Variants in SPON1 observed in about 807,000 individuals in gnomAD.
The protein encoded by SPON1 is spondin 1.
SPON1 carries 52 observed loss-of-function variants against 111.7 expected under a neutral mutation model. The observed-to-expected ratio is 0.47, with a 90% CI of 0.37 to 0.59. The LOEUF is 0.59. Among genes scored for constraint, SPON1 ranks in the 20% least tolerant of loss-of-function variants. The pLI, the probability that SPON1 is intolerant of heterozygous loss-of-function variation, is 0.00. For synonymous variants in SPON1, 410 were observed against 395.8 expected (o/e 1.04, Z -0.43); for missense variants, 957 against 1,068.5 (o/e 0.90, Z 1.46).
intron 5 of SPON1, among the ~76,000 whole-genome samples, chr11:14,097,942 A>T (rs1554924040): frequency 6.6e-6 from 1 of 151,938 alleles, no homozygotes; most frequent in East Asian, 1.9e-4. Context: ...ATGTTAAAGG[A>T]TGTTTAAGGA....
intron 6 of SPON1, among the ~76,000 whole-genome samples, chr11:14,161,162 T>A (rs1591394601): frequency 7.8e-6 from 1 of 128,108 alleles, no homozygotes; most frequent in African/African-American, 3.1e-5. Context: ...ATATTTTATA[T>A]ATATCTATAT....
intron 3 of SPON1, among the ~76,000 whole-genome samples, chr11:14,066,133 T>TA (rs1280464189): frequency 6.6e-6 from 1 of 152,212 alleles, no homozygotes; most frequent in Non-Finnish European, 1.5e-5. Flanking sequence ...AAATGCTAAG[T>TA]AATGTGCTAA....
intron 2 of SPON1, among the ~76,000 whole-genome samples, chr11:14,012,592 T>A (rs943802074): frequency 6.6e-6 from 1 of 152,160 alleles, no homozygotes; most frequent in Non-Finnish European, 1.5e-5. Context: ...GTCCACCGAT[T>A]TGGCAAAAAC....
intron 2 of SPON1, among the ~76,000 whole-genome samples, chr11:14,038,991 A>G (rs1457416840): frequency 1.3e-5 from 2 of 152,228 alleles, no homozygotes; most frequent in Admixed American, 1.3e-4. Context: ...GTACTTTCAG[A>G]CAATCAGATG....
intron 2 of SPON1, among the ~76,000 whole-genome samples, chr11:13,998,320 T>C (rs1919308): frequency 0.046 from 7,028 of 152,244 alleles, 534 homozygotes; most frequent in African/African-American, 0.16. Context: ...TGGGGAGAGA[T>C]GTATGGGAGA....
intron 6 of SPON1, among the ~76,000 whole-genome samples, chr11:14,155,942 T>C (rs1211574090): frequency 2.3e-5 from 3 of 133,002 alleles, no homozygotes; most frequent in East Asian, 4.8e-4. Context: ...CTATTGTGAA[T>C]AGTGCCGCAA....
At chr11:14,174,792 T>C (rs542559159) in intron 6 of SPON1, among the ~76,000 whole-genome samples, 1 of 152,222 alleles carries the variant, frequency 6.6e-6, no homozygotes, top group Non-Finnish European at 1.5e-5. Flanking sequence ...AGCTTGTTTA[T>C]CCACTTTTAA....
In SPON1 at chr11:13,988,985, T is replaced by TC. The variant is rs575400889; in HGVS notation, c.345+6033dup. 4.2e-3 allele frequency among the ~76,000 whole-genome samples: 639 copies of TC among 152,336 alleles called. 6 individuals carry two copies. The highest frequency in any genetic ancestry group is 4.8e-3 in the Non-Finnish European group (329 of 68,028). ...TTGAGGATTTTCATATCGATGTTCA[T>TC]CAGAGATATTGGCCTGAAATTTTCT... On this transcript the variant is annotated intron_variant, in intron 2 of 15. Coordinates refer to ENST00000576479, the MANE Select transcript of SPON1 (RefSeq NM_006108.4).
At chr11:14,067,970 AAC>A (rs1415215989) in intron 3 of SPON1, among the ~76,000 whole-genome samples, 1 of 152,224 alleles carries the variant, frequency 6.6e-6, no homozygotes, top group Non-Finnish European at 1.5e-5. Context: ...TCTAAGTCCT[AAC>A]ACAGCTTTGT....
intron 1 of SPON1, among the ~76,000 whole-genome samples, chr11:13,969,501 A>G (rs563615884): frequency 1.7e-4 from 26 of 152,336 alleles, no homozygotes; most frequent in South Asian, 2.1e-4. Context: ...GCAAAGAATG[A>G]AAGGAATGAG....
intron 6 of SPON1, among the ~76,000 whole-genome samples, chr11:14,199,943 A>G (rs1554935440): frequency 6.6e-6 from 1 of 152,164 alleles, no homozygotes; most frequent in Non-Finnish European, 1.5e-5. Flanking sequence ...TGCCCTGTTC[A>G]TCAGCCTATT....
At chr11:14,138,652 C>T (rs1554928427) in intron 6 of SPON1, among the ~76,000 whole-genome samples, 1 of 152,118 alleles carries the variant, frequency 6.6e-6, no homozygotes, top group Non-Finnish European at 1.5e-5. Flanking sequence ...AATGGTAGAT[C>T]ACACTTGTAG....
chr11:13,995,564 GC>G (rs1848265477), intron 2 of SPON1, among the ~76,000 whole-genome samples: 2 of 152,110 alleles, frequency 1.3e-5, no homozygotes, highest in South Asian at 4.2e-4. Flanking sequence ...GGAGAAAACC[GC>G]CCCCATGATC....
intron 3 of SPON1, among the ~76,000 whole-genome samples, chr11:14,067,830 G>A (rs2133826230): frequency 6.6e-6 from 1 of 152,338 alleles, no homozygotes; most frequent in South Asian, 2.1e-4. Context: ...GGGGAAGATG[G>A]AGGGAATGGA....
At position 14,041,534 on chromosome 11, in the gene SPON1, A is replaced by C. The variant is rs781784091; in HGVS notation, c.359A>C (p.Glu120Ala). ...HAGTFQIIDE[E>A]ETQFMSNCPV... ...GGTTTTCCGTAGATCATAGACGAAG[A>C]AGAAACTCAGTTTATGAGCAATTGC... is the stretch of plus-strand genomic sequence containing the variant. Residue 120 changes from glutamate to alanine, a missense_variant, in exon 3 of 16, where the codon GAA (glutamate) becomes GCA (alanine). By Grantham distance (107) the Glu-to-Ala change is moderately radical. This residue lies in a region of SPON1 where 262 missense variants were observed against 253.9 expected (regional missense o/e 1.03). Coordinates refer to ENST00000576479, the MANE Select transcript of SPON1 (RefSeq NM_006108.4). 1.2e-6 allele frequency: 2 copies of C among 1,613,964 alleles called. No homozygotes were observed. Among genetic ancestry groups the C allele is most frequent in the Admixed American group, 1.7e-5 (1 of 60,022 alleles).
At chr11:14,073,514 T>C (rs1848893589) in intron 3 of SPON1, among the ~76,000 whole-genome samples, 1 of 152,156 alleles carries the variant, frequency 6.6e-6, no homozygotes, top group South Asian at 2.1e-4. Context: ...CCTGAAGAAC[T>C]TTATAAGGGA....
intron 6 of SPON1, among the ~76,000 whole-genome samples, chr11:14,163,597 C>T (rs1278081165): frequency 1.3e-5 from 2 of 152,134 alleles, no homozygotes; most frequent in Non-Finnish European, 2.9e-5. Flanking sequence ...CCCTCTTTCA[C>T]TGACTCTGAG....
At position 14,133,816 on chromosome 11, in the gene SPON1, G is replaced by T. The variant is rs1472242707; in HGVS notation, c.677-1604G>T. On this transcript the variant is annotated intron_variant, in intron 5 of 15. Transcript: ENST00000576479. ...TATGAGAGATGAAGGATAAACATGG[G>T]GTCTGCATTTTCCCGATGTGTAGGA... Among the ~76,000 whole-genome samples the T allele has an allele frequency of 2.6e-5, 4 of 152,130 alleles. No individual in the cohort carries two copies. In the East Asian group the frequency reaches 7.7e-4, roughly 29 times the overall value.
intron 1 of SPON1, among the ~76,000 whole-genome samples, chr11:13,969,501 A>T (rs563615884): frequency 6.6e-6 from 1 of 152,218 alleles, no homozygotes; most frequent in Non-Finnish European, 1.5e-5. Context: ...GCAAAGAATG[A>T]AAGGAATGAG....
Sources: allele counts gnomAD v4.1 joint callset (sites outside exome capture counted in the v4.1 genomes callset), GRCh38; gene constraint gnomAD v4.1.1; regional missense constraint gnomAD v4.1.1; transcripts MANE v1.5; gene names NCBI Gene and HGNC (gene_info 2026-07-23, HGNC 2026-07-21).